DMD: variants seen among roughly 807,000 people sequenced by gnomAD.
The protein encoded by DMD is dystrophin, also known as mutant dystrophin.
A neutral mutation model predicts 330.1 loss-of-function variants in DMD; 63 were observed. That is an observed-to-expected ratio of 0.19 (90% CI 0.16 to 0.24). DMD has a LOEUF of 0.24. DMD is among the 10% of genes least tolerant of loss of function. The pLI is 1.00. For synonymous variants in DMD, 1,223 were observed against 959.8 expected, an observed-to-expected ratio of 1.27 and a Z score of -5.07; for missense variants, 3,344 against 2,684.1, an observed-to-expected ratio of 1.25 and a Z score of -5.43.
At chrX:32,935,963 T>C (rs1007102002) in intron 2 of DMD, among the ~76,000 whole-genome samples, 3 of 111,585 alleles carry the variant, frequency 2.7e-5, no homozygotes, top group African/African-American at 9.8e-5. Context: ...TAGGAGGTAA[T>C]ATTAGACGAG....
At chrX:32,401,237 C>T (rs1416264809) in intron 30 of DMD, among the ~76,000 whole-genome samples, 1 of 107,628 alleles carries the variant, frequency 9.3e-6, no homozygotes, top group African/African-American at 3.4e-5. Context: ...TGCTAGATGA[C>T]GAGTTAGTGG....
chrX:33,195,299 A>G (rs774842246), intron 1 of DMD, among the ~76,000 whole-genome samples: 2 of 111,871 alleles, frequency 1.8e-5, no homozygotes, highest in Non-Finnish European at 3.8e-5. Flanking sequence ...TCTTTGAGGT[A>G]GTCCAAGCCA....
At chrX:31,938,570 C>T (rs2094953067) in intron 45 of DMD, among the ~76,000 whole-genome samples, 1 of 111,515 alleles carries the variant, frequency 9.0e-6, no homozygotes, top group Admixed American at 9.5e-5. Context: ...TTTGCATCCT[C>T]ATGGATGCAC....
chrX:32,749,199 C>T (rs149093020), intron 7 of DMD, among the ~76,000 whole-genome samples: 454 of 112,292 alleles, frequency 4.0e-3, no homozygotes, highest in Middle Eastern at 0.032. Context: ...AGAACTGTGA[C>T]TCAGCAGATA....
intron 44 of DMD, among the ~76,000 whole-genome samples, chrX:32,176,039 A>C (rs2096905383): frequency 9.0e-6 from 1 of 111,451 alleles, no homozygotes; most frequent in Admixed American, 9.5e-5. Flanking sequence ...TCTCCAACAT[A>C]CAAAGCTAGT....
intron 47 of DMD, among the ~76,000 whole-genome samples, chrX:31,923,755 G>A (rs773726250): frequency 9.1e-6 from 1 of 110,147 alleles, no homozygotes; most frequent in African/African-American, 3.3e-5. Context: ...ATGCCACCAC[G>A]CTCAGCTAAT....
At chrX:33,066,461 A>AAGGAAGG (rs1557243808) in intron 1 of DMD, among the ~76,000 whole-genome samples, 7 of 84,205 alleles carry the variant, frequency 8.3e-5, no homozygotes, top group Admixed American at 3.2e-4. Context: ...AAAAAAAAAA[A>AAGGAAGG]AAGGAAGGAA....
chrX:33,168,811 C>A lies in DMD; in HGVS notation c.31+42471G>T, dbSNP rs1329674340. Among the ~76,000 whole-genome samples, 5 of 109,289 alleles carry A rather than the reference C, an allele frequency of 4.6e-5. No individual in the cohort carries two copies. The East Asian group carries it at 8.6e-4, about 19-fold the overall frequency. The allele number at this position is 109,289 out of a possible 115,157, so 94.9% of individuals were successfully genotyped here. On this transcript the variant is annotated intron_variant, in intron 1 of 78. Transcript: ENST00000357033. ...CATGGTGACAAAATCAAAGAGAAGG[C>A]GTAAAGGATACAGTTATATTCCCTA...
At chrX:31,939,961 T>G (rs1013154063) in intron 45 of DMD, among the ~76,000 whole-genome samples, 1 of 111,569 alleles carries the variant, frequency 9.0e-6, no homozygotes, top group Admixed American at 9.5e-5. Flanking sequence ...TACTTCTAGG[T>G]GAAGCATATA....
At chrX:33,300,678 G>A (rs934256204) in intron 1 of DMD, among the ~76,000 whole-genome samples, 6 of 111,642 alleles carry the variant, frequency 5.4e-5, no homozygotes, top group Admixed American at 2.9e-4. Flanking sequence ...AGCTCAGTGA[G>A]CGTGCCTGCA....
At chrX:32,857,611 T>C (rs2081686515) in intron 2 of DMD, among the ~76,000 whole-genome samples, 1 of 112,058 alleles carries the variant, frequency 8.9e-6, no homozygotes, top group Admixed American at 9.5e-5. Flanking sequence ...GATACTTGTT[T>C]TTATGAAAAG....
chrX:31,829,402 C>G (rs2092967720), intron 49 of DMD, among the ~76,000 whole-genome samples: 1 of 110,215 alleles, frequency 9.1e-6, no homozygotes, highest in Non-Finnish European at 1.9e-5. Context: ...CAAAATATAA[C>G]TTGTACCGCA....
intron 11 of DMD, among the ~76,000 whole-genome samples, chrX:32,622,771 G>C (rs184242710): frequency 9.0e-6 from 1 of 111,091 alleles, no homozygotes; most frequent in African/African-American, 3.3e-5. Flanking sequence ...GGTGCCCCCC[G>C]GGGTCTTGAT....
intron 41 of DMD, among the ~76,000 whole-genome samples, chrX:32,326,277 A>G (rs1018592686): frequency 8.9e-6 from 1 of 112,464 alleles, no homozygotes; most frequent in African/African-American, 3.2e-5. Context: ...AATAAAAAGC[A>G]GGCAGTTAAA....
intron 9 of DMD, among the ~76,000 whole-genome samples, chrX:32,657,041 T>TGTGTC (rs764845170): frequency 9.5e-6 from 1 of 105,067 alleles, no homozygotes; most frequent in Admixed American, 1.0e-4. Context: ...GTGTGTGTGT[T>TGTGTC]TTCTTCCTCT....
chrX:31,231,915 C>T lies in DMD; in HGVS notation c.9287-8794G>A, dbSNP rs184823091. 5.6e-3 allele frequency among the ~76,000 whole-genome samples: 619 copies of T among 110,143 alleles called. 17 individuals carry two copies. Among genetic ancestry groups the T allele is most frequent in the Admixed American group, 0.056 (575 of 10,295 alleles). On this transcript the variant is annotated intron_variant, in intron 63 of 78. Transcript: ENST00000357033. Reference sequence around the variant, plus strand: ...ACTAACAAACAAATATTCATATGTACTGTGGTAAAATGGTGAAGGAAACAC... The same window carrying T: ...ACTAACAAACAAATATTCATATGTATTGTGGTAAAATGGTGAAGGAAACAC...
At chrX:32,033,340 T>C (rs946225131) in intron 44 of DMD, among the ~76,000 whole-genome samples, 6 of 110,533 alleles carry the variant, frequency 5.4e-5, no homozygotes, top group African/African-American at 2.0e-4. Context: ...TAATAATGTA[T>C]TGTGCATGTA....
chrX:32,730,382 T>C (rs188135055), intron 7 of DMD, among the ~76,000 whole-genome samples: 21 of 111,766 alleles, frequency 1.9e-4, no homozygotes, highest in Admixed American at 7.6e-4. Flanking sequence ...CATAAGTAAA[T>C]GCATAGATAT....
At chrX:31,191,402 C>CT (rs2042339099) in intron 67 of DMD, among the ~76,000 whole-genome samples, 1 of 111,795 alleles carries the variant, frequency 8.9e-6, no homozygotes, top group South Asian at 3.8e-4. Context: ...TCCTTTGTGG[C>CT]TGATATGGTT....
Sources: allele counts gnomAD v4.1 joint callset (sites outside exome capture counted in the v4.1 genomes callset), GRCh38; gene constraint gnomAD v4.1.1; transcripts MANE v1.5; gene names NCBI Gene and HGNC (gene_info 2026-07-23, HGNC 2026-07-21).